MYO10: variants seen among roughly 807,000 people sequenced by gnomAD.
MYO10 encodes the protein myosin X.
MYO10 carries 133 observed loss-of-function variants against 257.3 expected under a neutral mutation model. The observed-to-expected ratio is 0.52, with a 90% confidence interval of 0.45 to 0.60. The LOEUF is 0.60. MYO10 is among the 20% of genes least tolerant of loss of function. The probability of loss-of-function intolerance (pLI) is 0.00; values close to 1 mark genes in which losing one functional copy is unlikely to be tolerated. For missense variants in MYO10, 2,399 were observed against 2,635.7 expected, an observed-to-expected ratio of 0.91 and a Z score of 1.97; for synonymous variants, 1,104 against 1,028.6, an observed-to-expected ratio of 1.07 and a Z score of -1.40.
rs184132015 is a variant in MYO10 at position 16,687,332 on chromosome 5, A to C, written c.3897-1501T>G. Among the ~76,000 whole-genome samples the C allele has an allele frequency of 9.2e-5, 14 of 151,816 alleles. No individual in the cohort carries two copies. In the East Asian group the frequency reaches 2.4e-3, roughly 25 times the overall value. ...CAAAACTCTGCCTCACAAAAAAAACAAATACAAAACGAAACAAAACATGTC... is the reference window on the plus strand; with the variant it reads ...CAAAACTCTGCCTCACAAAAAAAACCAATACAAAACGAAACAAAACATGTC... On this transcript the variant is annotated intron_variant, in intron 28 of 40. Coordinates refer to ENST00000513610, the MANE Select transcript of MYO10 (RefSeq NM_012334.3).
At chr5:16,801,269 G>A (rs931865890) in intron 3 of MYO10, among the ~76,000 whole-genome samples, 3 of 152,104 alleles carry the variant, frequency 2.0e-5, no homozygotes, top group East Asian at 1.9e-4. Context: ...GTGCAGTGGT[G>A]CAATCTCAGC....
intron 1 of MYO10, among the ~76,000 whole-genome samples, chr5:16,927,635 TA>T (rs1304320003): frequency 2.0e-5 from 3 of 152,196 alleles, no homozygotes; most frequent in Admixed American, 2.0e-4. Flanking sequence ...TTAACTGCCG[TA>T]ATTTAAAATG....
intron 1 of MYO10, among the ~76,000 whole-genome samples, chr5:16,878,751 C>T (rs574297472): frequency 1.3e-3 from 204 of 152,188 alleles, no homozygotes; most frequent in Non-Finnish European, 2.0e-3. Flanking sequence ...AAACAACATA[C>T]GTTCTCGCTT....
chr5:16,914,890 G>A (rs976732069), intron 1 of MYO10, among the ~76,000 whole-genome samples: 1 of 152,144 alleles, frequency 6.6e-6, no homozygotes, highest in Non-Finnish European at 1.5e-5. Context: ...TTGCAAGGGT[G>A]GAACTTTCGC....
At chr5:16,668,844 G>A (rs551144995) in intron 39 of MYO10, among the ~76,000 whole-genome samples, 2 of 152,278 alleles carry the variant, frequency 1.3e-5, no homozygotes, top group Admixed American at 6.5e-5. Flanking sequence ...GTCTACTCTT[G>A]TATTAATATC....
In MYO10 at chr5:16,699,535, A is replaced by G; in HGVS notation, c.3471T>C (p.Asp1157=). 6.2e-7 allele frequency: 1 copy of G among 1,613,862 alleles called. No homozygotes were observed. Among genetic ancestry groups the G allele is most frequent in the South Asian group, 1.1e-5 (1 of 91,068 alleles). Residue 1157 remains aspartate, a synonymous_variant, in exon 26 of 41, where the codon GAT becomes GAC. Coordinates refer to ENST00000513610, the MANE Select transcript of MYO10 (RefSeq NM_012334.3). ...DSEEDFDSRF[D]TDDELSYRRD... is the part of the protein sequence containing the mutation. ...GCCGGTATGAAAGCTCATCATCTGTATCAAACCTGGAATCAAAGTCCTCTT... is the reference window on the plus strand; with the variant it reads ...GCCGGTATGAAAGCTCATCATCTGTGTCAAACCTGGAATCAAAGTCCTCTT...
intron 1 of MYO10, among the ~76,000 whole-genome samples, chr5:16,901,319 GT>G (rs1561049109): frequency 6.6e-6 from 1 of 152,048 alleles, no homozygotes; most frequent in Non-Finnish European, 1.5e-5. Context: ...ATGTACCTTT[GT>G]CCCCAGGTGC....
intron 9 of MYO10, among the ~76,000 whole-genome samples, chr5:16,778,267 A>C (rs1560979686): frequency 6.6e-6 from 1 of 152,118 alleles, no homozygotes; most frequent in Non-Finnish European, 1.5e-5. Flanking sequence ...GGGCTATCTT[A>C]AATGCAGATA....
intron 1 of MYO10, among the ~76,000 whole-genome samples, chr5:16,933,185 CCT>C (rs1554010071): frequency 7.2e-5 from 11 of 152,310 alleles, no homozygotes; most frequent in African/African-American, 2.4e-4. Context: ...ATTTTGCTCC[CCT>C]GTCATTCAGC....
At chr5:16,783,922 G>T (rs1251162506) in intron 4 of MYO10, among the ~76,000 whole-genome samples, 1 of 152,124 alleles carries the variant, frequency 6.6e-6, no homozygotes, top group Non-Finnish European at 1.5e-5. Context: ...AATACTGAGG[G>T]GACAAGGCAA....
At chr5:16,817,407 T>G (rs1742657582) in intron 3 of MYO10, among the ~76,000 whole-genome samples, 1 of 152,178 alleles carries the variant, frequency 6.6e-6, no homozygotes, top group African/African-American at 2.4e-5. Context: ...TTATAACAAG[T>G]GATTCTTAAA....
intron 19 of MYO10, among the ~76,000 whole-genome samples, chr5:16,749,545 T>C (rs1740322430): frequency 1.3e-5 from 2 of 151,626 alleles, no homozygotes; most frequent in South Asian, 2.1e-4. Flanking sequence ...AGAGGCCTTC[T>C]TCCACCAGAA....
intron 1 of MYO10, chr5:16,916,030 T>TA (rs1283561501): frequency 4.4e-6 from 2 of 455,666 alleles, no homozygotes; most frequent in South Asian, 3.1e-5. Context: ...AGCTGGTGAG[T>TA]AAATATTCAA....
At chr5:16,690,577 G>A (rs7717840) in intron 27 of MYO10, among the ~76,000 whole-genome samples, 43,618 of 151,906 alleles carry the variant, frequency 0.29, 6,445 homozygotes, top group South Asian at 0.37. Context: ...GACAGGCCAG[G>A]GGCAGCAGCC....
intron 33 of MYO10, among the ~76,000 whole-genome samples, chr5:16,678,109 C>T (rs1032716224): frequency 5.3e-5 from 8 of 152,304 alleles, no homozygotes; most frequent in East Asian, 1.9e-4. Context: ...CTGAAGAATA[C>T]AAAAACAGGT....
intron 33 of MYO10, among the ~76,000 whole-genome samples, chr5:16,678,169 C>T (rs1219505198): frequency 6.6e-6 from 1 of 152,162 alleles, no homozygotes; most frequent in Non-Finnish European, 1.5e-5. Context: ...TAGTTTTACT[C>T]CTTTCAGAAG....
chr5:16,697,717 A>AGGGTGG (rs1737821628), intron 26 of MYO10, among the ~76,000 whole-genome samples: 1 of 149,202 alleles, frequency 6.7e-6, no homozygotes, highest in Non-Finnish European at 1.5e-5. Context: ...AAAGGTTTTC[A>AGGGTGG]TGGTGGTGAA....
Position 16,670,036 on chromosome 5 carries a change from G to A in MYO10, c.5883+490C>T, listed in dbSNP as rs927607226. Among the ~76,000 whole-genome samples, 6 of 152,270 alleles carry A rather than the reference G, an allele frequency of 3.9e-5. No homozygotes were observed. In the Middle Eastern group the frequency reaches 0.014, roughly 345 times the overall value. ...AAACTCTCATCTAGACAATTAGTAAGATTTCTTTTCAATAAGCGGTCTACT... is the reference window on the plus strand; with the variant it reads ...AAACTCTCATCTAGACAATTAGTAAAATTTCTTTTCAATAAGCGGTCTACT... On this transcript the variant is annotated intron_variant, in intron 39 of 40. Transcript: ENST00000513610.
At chr5:16,900,047 T>G (rs1181816659) in intron 1 of MYO10, among the ~76,000 whole-genome samples, 1 of 146,992 alleles carries the variant, frequency 6.8e-6, no homozygotes, top group East Asian at 2.0e-4. Context: ...TCTGGGAAAC[T>G]TAGTATAAAA....
Sources: allele counts gnomAD v4.1 joint callset (sites outside exome capture counted in the v4.1 genomes callset), GRCh38; gene constraint gnomAD v4.1.1; transcripts MANE v1.5; gene names NCBI Gene and HGNC (gene_info 2026-07-23, HGNC 2026-07-21).